Variants in ANKRD36 observed in about 807,000 individuals in gnomAD.
ANKRD36 encodes ankyrin repeat domain 36.
ANKRD36 carries 179 observed loss-of-function variants against 278.1 expected under a neutral mutation model. The ratio of observed to expected loss-of-function variants is 0.64; its 90% CI spans 0.57 to 0.73. ANKRD36 has a LOEUF of 0.73. ANKRD36 is among the 30% of genes least tolerant of loss of function. The probability of loss-of-function intolerance (pLI) is 0.00; values close to 1 mark genes in which losing one functional copy is unlikely to be tolerated. For missense variants in ANKRD36, 1,159 were observed against 1,956.7 expected (o/e 0.59, Z 7.69); for synonymous variants, 320 against 641.1 (o/e 0.50, Z 7.57).
intron 10 of ANKRD36, among the ~76,000 whole-genome samples, chr2:97,145,947 A>G (rs919705919): frequency 1.3e-5 from 2 of 152,018 alleles, no homozygotes; most frequent in African/African-American, 4.8e-5. Context: ...TACCTGCTGG[A>G]TTGTCCGGCA....
chr2:97,262,436 T>TG (rs1264446271), intron 75 of ANKRD36, among the ~76,000 whole-genome samples: 1 of 107,328 alleles, frequency 9.3e-6, no homozygotes, highest in Non-Finnish European at 1.7e-5. Flanking sequence ...AAAGGAATAA[T>TG]GACAGAGAAT....
intron 26 of ANKRD36, 62 bp downstream of exon 26, chr2:97,181,855 C>T: frequency 9.4e-7 from 1 of 1,064,700 alleles, no homozygotes; most frequent in Non-Finnish European, 1.5e-6. Flanking sequence ...CTTCTCTTCC[C>T]CGAATAAATC....
In ANKRD36 at chr2:97,196,698, G is replaced by T; in HGVS notation, c.2581-18G>T. On this transcript the variant is annotated intron_variant, in intron 41 of 75. Coordinates refer to ENST00000420699, the MANE Select transcript of ANKRD36 (RefSeq NM_001354587.1). ...ACATACTTTATTTATTTATTATTTC[G>T]TTTCAAATTCCATTCAGGGTACAAG... 6.4e-7 allele frequency: 1 copy of T among 1,574,064 alleles called. No homozygotes were observed. The highest frequency in any genetic ancestry group is 1.2e-5 in the South Asian group (1 of 86,016).
At chr2:97,181,463 G>C in intron 24 of ANKRD36, 135 bp from the exon 25 acceptor site, 1 of 1,103,954 alleles carries the variant, frequency 9.1e-7, no homozygotes, top group Non-Finnish European at 1.3e-6. Context: ...CCAGTCTCCA[G>C]ACAAAAAGTA....
At chr2:97,184,202 C>T (rs911042205) in intron 28 of ANKRD36, among the ~76,000 whole-genome samples, 3 of 151,666 alleles carry the variant, frequency 2.0e-5, no homozygotes, top group Admixed American at 1.3e-4. Flanking sequence ...GAACTCACTT[C>T]AGATGCATTT....
chr2:97,182,109 G>T (rs2056392714), intron 26 of ANKRD36, among the ~76,000 whole-genome samples: 1 of 151,346 alleles, frequency 6.6e-6, no homozygotes, highest in Admixed American at 6.6e-5. Context: ...AGAAAGAGAT[G>T]AAGTATAGAT....
chr2:97,228,421 T>C lies in ANKRD36; in HGVS notation c.3951+3542T>C, dbSNP rs1389104027. On this transcript the variant is annotated intron_variant, in intron 67 of 75. Coordinates refer to ENST00000420699, the MANE Select transcript of ANKRD36 (RefSeq NM_001354587.1). ...TCTTCTAGATTTTCTAGTTTATTTGTGTAGAGGTGTTTGTAGTATTCTCTG... is the reference window on the plus strand; with the variant it reads ...TCTTCTAGATTTTCTAGTTTATTTGCGTAGAGGTGTTTGTAGTATTCTCTG... Among the ~76,000 whole-genome samples the C allele has an allele frequency of 4.5e-3, 687 of 152,136 alleles. 10 individuals are homozygous for C. Among genetic ancestry groups the C allele is most frequent in the Middle Eastern group, 6.8e-3 (2 of 292 alleles).
intron 6 of ANKRD36, among the ~76,000 whole-genome samples, chr2:97,133,357 G>A (rs900213054): frequency 6.6e-6 from 1 of 151,894 alleles, no homozygotes; most frequent in South Asian, 2.1e-4. Context: ...TATTTAACAG[G>A]TCTCTATACA....
At position 97,200,335 on chromosome 2, in the gene ANKRD36, G is replaced by A; in HGVS notation, c.2757G>A (p.Val919=). 6.2e-7 allele frequency: 1 copy of A among 1,607,204 alleles called. No homozygotes were observed. The highest frequency in any genetic ancestry group is 8.5e-7 in the Non-Finnish European group (1 of 1,178,680). ...GKKDGEKTKR[V]SSRKKPSLEA... ...TTATGTATCCCTTTTGCTTTTCAGT[G>A]TCTTCTCGGAAAAAACCATCCTTGG... The change falls in exon 45 of 76, where the codon GTG becomes GTA. Residue 919 remains valine, a splice_region_variant and synonymous_variant. Coordinates refer to ENST00000420699, the MANE Select transcript of ANKRD36 (RefSeq NM_001354587.1).
At chr2:97,120,344 G>A (rs2036474043) in intron 3 of ANKRD36, among the ~76,000 whole-genome samples, 1 of 112,098 alleles carries the variant, frequency 8.9e-6, no homozygotes, top group South Asian at 2.7e-4. Context: ...GCATAATCAG[G>A]ATAGCAGTTT....
At chr2:97,134,774 T>A (rs1018804459) in intron 6 of ANKRD36, among the ~76,000 whole-genome samples, 7 of 152,062 alleles carry the variant, frequency 4.6e-5, no homozygotes, top group Non-Finnish European at 1.0e-4. Flanking sequence ...ATATATATTT[T>A]ATATATTAGA....
chr2:97,157,133 C>CTCTG (rs1243451778), intron 15 of ANKRD36, among the ~76,000 whole-genome samples: 32 of 143,806 alleles, frequency 2.2e-4, no homozygotes, highest in African/African-American at 8.1e-4. Flanking sequence ...TTTTTTTCCT[C>CTCTG]TCTCTCTCTC....
In ANKRD36 at chr2:97,252,630, G is replaced by GT. The variant is rs534578942; in HGVS notation, c.*6+2466dup. ...AGCTGCGACTACAGGTGCCCAGCTA[G>GT]TTTTTTTTTGTATTTTTAGTAGAGA... On this transcript the variant is annotated intron_variant, in intron 75 of 75. Transcript: ENST00000420699. Among the ~76,000 whole-genome samples the GT allele has an allele frequency of 6.5e-3, 877 of 134,142 alleles. 17 individuals carry two copies. The highest frequency in any genetic ancestry group is 0.022 in the African/African-American group (815 of 36,952). 88.0% of individuals were successfully genotyped at this position (134,142 alleles called of 152,430 possible). A position where few individuals can be genotyped will look rare whatever the true frequency, so the allele number is the denominator to read the frequency against.
intron 5 of ANKRD36, among the ~76,000 whole-genome samples, chr2:97,125,929 G>C (rs1574591658): frequency 6.6e-6 from 1 of 150,476 alleles, no homozygotes; most frequent in African/African-American, 2.4e-5. Flanking sequence ...TACTAAAATT[G>C]GAACAATACG....
chr2:97,224,117 C>T (rs2068550329), intron 66 of ANKRD36, among the ~76,000 whole-genome samples: 1 of 151,744 alleles, frequency 6.6e-6, no homozygotes, highest in Non-Finnish European at 1.5e-5. Context: ...TAATAATGAA[C>T]AGCAGGCTCA....
chr2:97,199,892 T>TG (rs1251735015), intron 44 of ANKRD36, among the ~76,000 whole-genome samples: 1 of 151,914 alleles, frequency 6.6e-6, no homozygotes, highest in Non-Finnish European at 1.5e-5. Flanking sequence ...TCTCAGTTAT[T>TG]GGGCAAGTTA....
At chr2:97,263,223 G>T (rs1488244294) in intron 75 of ANKRD36, among the ~76,000 whole-genome samples, 1 of 132,408 alleles carries the variant, frequency 7.6e-6, no homozygotes, top group Non-Finnish European at 1.5e-5. Flanking sequence ...TGCTGTTGAG[G>T]TACATAGAAT....
chr2:97,230,602 G>A (rs2071616903), intron 67 of ANKRD36, among the ~76,000 whole-genome samples: 1 of 152,130 alleles, frequency 6.6e-6, no homozygotes, highest in African/African-American at 2.4e-5. Flanking sequence ...CTGTAGCTCA[G>A]AGTAGTTTGA....
chr2:97,150,354 T>C (rs375415376), intron 12 of ANKRD36, among the ~76,000 whole-genome samples: 3 of 152,078 alleles, frequency 2.0e-5, no homozygotes, highest in Admixed American at 6.6e-5. Context: ...GAAAAAATAA[T>C]TGTAAAGCTC....
Sources: allele counts gnomAD v4.1 joint callset (sites outside exome capture counted in the v4.1 genomes callset), GRCh38; gene constraint gnomAD v4.1.1; transcripts MANE v1.5; gene names NCBI Gene and HGNC (gene_info 2026-07-23, HGNC 2026-07-21).